Variants in IL1RAPL2 observed in about 807,000 individuals in gnomAD.
The protein encoded by IL1RAPL2 is interleukin 1 receptor accessory protein like 2.
In IL1RAPL2, 3 loss-of-function variants were observed where a neutral mutation model predicts 44.1. The observed-to-expected ratio is 0.07, with a 90% CI of 0.03 to 0.18. IL1RAPL2 has a LOEUF of 0.18. Among genes scored for constraint, IL1RAPL2 ranks in the 10% least tolerant of loss-of-function variants. The pLI is 1.00. For missense variants in IL1RAPL2, 391 were observed against 496.4 expected, an observed-to-expected ratio of 0.79 and a Z score of 2.02; for synonymous variants, 181 against 178.8, an observed-to-expected ratio of 1.01 and a Z score of -0.10.
chrX:104,915,927 T>C (rs1394657836), intron 2 of IL1RAPL2, among the ~76,000 whole-genome samples: 2 of 112,128 alleles, frequency 1.8e-5, no homozygotes, highest in African/African-American at 6.5e-5. Context: ...CATTGATCTA[T>C]ATCTCTGTTT....
intron 2 of IL1RAPL2, among the ~76,000 whole-genome samples, chrX:104,974,175 C>A (rs1483075245): frequency 9.0e-6 from 1 of 111,499 alleles, no homozygotes; most frequent in Non-Finnish European, 1.9e-5. Flanking sequence ...AGCATCTATT[C>A]CATTCACATG....
chrX:105,409,879 G>T (rs1357831943), intron 5 of IL1RAPL2, among the ~76,000 whole-genome samples: 1 of 12,485 alleles, frequency 8.0e-5, no homozygotes, highest in Non-Finnish European at 1.1e-3. Flanking sequence ...TAGATAGAGT[G>T]TGGGGGGGGG....
At chrX:104,915,339 T>A (rs1203988372) in intron 2 of IL1RAPL2, among the ~76,000 whole-genome samples, 2 of 111,006 alleles carry the variant, frequency 1.8e-5, no homozygotes, top group East Asian at 5.6e-4. Flanking sequence ...TTTTTTCATG[T>A]GTTTTTTGGC....
intron 3 of IL1RAPL2, among the ~76,000 whole-genome samples, chrX:105,204,413 A>G (rs1556149609): frequency 8.9e-6 from 1 of 112,045 alleles, no homozygotes; most frequent in African/African-American, 3.2e-5. Flanking sequence ...ATGATCAAAC[A>G]GCAACTCTTT....
chrX:104,640,177 A>G (rs2148015750), intron 1 of IL1RAPL2, among the ~76,000 whole-genome samples: 1 of 111,606 alleles, frequency 9.0e-6, no homozygotes, highest in South Asian at 3.7e-4. Flanking sequence ...ATTCTTTTAA[A>G]TTACTTTTTC....
chrX:105,671,182 G>A (rs1255004837), intron 6 of IL1RAPL2, among the ~76,000 whole-genome samples: 9 of 111,094 alleles, frequency 8.1e-5, no homozygotes, highest in Admixed American at 3.8e-4. Flanking sequence ...CCTGACCTCA[G>A]GTGATCCACC....
At chrX:105,237,353 T>C (rs1447107351) in intron 4 of IL1RAPL2, among the ~76,000 whole-genome samples, 1 of 112,041 alleles carries the variant, frequency 8.9e-6, no homozygotes, top group Non-Finnish European at 1.9e-5. Context: ...CCTTTGGGTA[T>C]ATACCCAGTA....
intron 2 of IL1RAPL2, among the ~76,000 whole-genome samples, chrX:105,044,909 C>G (rs1602918363): frequency 9.0e-6 from 1 of 111,133 alleles, no homozygotes; most frequent in East Asian, 2.9e-4. Context: ...ATGAACGTCC[C>G]AATGCCCTTT....
At chrX:105,597,980 AG>A (rs1324582835) in intron 6 of IL1RAPL2, among the ~76,000 whole-genome samples, 1 of 111,690 alleles carries the variant, frequency 9.0e-6, no homozygotes, top group Non-Finnish European at 1.9e-5. Flanking sequence ...AAATGAAATC[AG>A]CACCTCATAA....
chrX:105,481,681 G>T (rs922547055), intron 5 of IL1RAPL2, among the ~76,000 whole-genome samples: 2 of 112,456 alleles, frequency 1.8e-5, no homozygotes, highest in African/African-American at 6.5e-5. Context: ...ATAGTTTCCA[G>T]CAAACTAAAT....
intron 1 of IL1RAPL2, among the ~76,000 whole-genome samples, chrX:104,567,302 C>A (rs1172530234): frequency 8.9e-6 from 1 of 112,816 alleles, no homozygotes; most frequent in Admixed American, 9.3e-5. Context: ...TTCAGGTGCC[C>A]GCGAGCCCAA....
intron 6 of IL1RAPL2, among the ~76,000 whole-genome samples, chrX:105,688,185 C>G (rs1453570096): frequency 1.8e-5 from 2 of 111,792 alleles, no homozygotes; most frequent in Non-Finnish European, 3.8e-5. Context: ...CCTCTCTCAC[C>G]ACTCCTATTC....
chrX:105,039,857 T>C (rs189274891), intron 2 of IL1RAPL2, among the ~76,000 whole-genome samples: 260 of 111,166 alleles, frequency 2.3e-3, no homozygotes, highest in African/African-American at 7.2e-3. Flanking sequence ...TTTTTCCTAA[T>C]TGAGTACCCT....
intron 1 of IL1RAPL2, among the ~76,000 whole-genome samples, chrX:104,635,869 TG>T (rs1316347786): frequency 8.9e-6 from 1 of 112,389 alleles, no homozygotes; most frequent in African/African-American, 3.2e-5. Flanking sequence ...CGTCCAGCTT[TG>T]TTCCATTGCT....
At chrX:104,589,579 A>G (rs1928625746) in intron 1 of IL1RAPL2, among the ~76,000 whole-genome samples, 1 of 112,374 alleles carries the variant, frequency 8.9e-6, no homozygotes, top group Non-Finnish European at 1.9e-5. Flanking sequence ...TAACCATCAC[A>G]GTGGTATTGA....
chrX:105,089,681 G>A (rs1371610626), intron 2 of IL1RAPL2, among the ~76,000 whole-genome samples: 2 of 111,811 alleles, frequency 1.8e-5, no homozygotes, highest in African/African-American at 6.5e-5. Flanking sequence ...GCCAGTGTGA[G>A]TATAATGACT....
intron 5 of IL1RAPL2, among the ~76,000 whole-genome samples, chrX:105,449,928 T>A (rs1392424058): frequency 9.0e-6 from 1 of 111,691 alleles, no homozygotes; most frequent in Non-Finnish European, 1.9e-5. Context: ...ATGGGTCAGA[T>A]CTGAAGCCAG....
intron 5 of IL1RAPL2, among the ~76,000 whole-genome samples, chrX:105,416,889 G>C: frequency 8.9e-6 from 1 of 112,123 alleles, no homozygotes; most frequent in Non-Finnish European, 1.9e-5. Flanking sequence ...CATCAAAGCT[G>C]GTTCTTTAAT....
At chrX:105,527,499 T>G (rs1362820953) in intron 6 of IL1RAPL2, among the ~76,000 whole-genome samples, 5 of 108,829 alleles carry the variant, frequency 4.6e-5, no homozygotes, top group Non-Finnish European at 9.6e-5. Flanking sequence ...TTAGGGATTT[T>G]AATGTTGTTG....
Sources: allele counts gnomAD v4.1 joint callset (sites outside exome capture counted in the v4.1 genomes callset), GRCh38; gene constraint gnomAD v4.1.1; transcripts MANE v1.5; gene names NCBI Gene and HGNC (gene_info 2026-07-23, HGNC 2026-07-21).